WWTR1: variants seen among roughly 807,000 people sequenced by gnomAD.
WWTR1 encodes WW domain containing transcription regulator 1.
Under a neutral mutation model 40.1 loss-of-function variants are expected in WWTR1, and 13 were observed. The ratio of observed to expected loss-of-function variants is 0.32; its 90% confidence interval spans 0.21 to 0.52. The LOEUF (loss-of-function observed/expected upper bound fraction) is 0.52. Ranked by LOEUF, WWTR1 falls within the 20% of genes least tolerant of loss-of-function variation. WWTR1 has a pLI of 0.97. For synonymous variants in WWTR1, 230 were observed against 210.1 expected (o/e 1.09, Z -0.82); for missense variants, 436 against 523.1 (o/e 0.83, Z 1.63).
chr3:149,698,666 G>A (rs986415962), intron 1 of WWTR1, among the ~76,000 whole-genome samples: 1 of 152,198 alleles, frequency 6.6e-6, no homozygotes, highest in Non-Finnish European at 1.5e-5. Flanking sequence ...GGACACCCAG[G>A]CTTTTCCATA....
chr3:149,565,097 G>A (rs1380606215), intron 3 of WWTR1, among the ~76,000 whole-genome samples: 1 of 152,042 alleles, frequency 6.6e-6, no homozygotes, highest in Non-Finnish European at 1.5e-5. Context: ...TGAGCTGGGA[G>A]GATGGCTTGA....
chr3:149,594,950 CTTTTTTTTTTTTT>C (rs563658190), intron 2 of WWTR1, among the ~76,000 whole-genome samples: 5 of 61,772 alleles, frequency 8.1e-5, no homozygotes, highest in African/African-American at 1.7e-4. Flanking sequence ...CTCTTTTTTA[CTTTTTTTTTTTTT>C]TTTTTTTTTT....
chr3:149,627,174 ATTGT>A (rs2108099039), intron 2 of WWTR1, among the ~76,000 whole-genome samples: 1 of 152,308 alleles, frequency 6.6e-6, no homozygotes, highest in Non-Finnish European at 1.5e-5. Context: ...AAATTTACCT[ATTGT>A]TTATTTGAAA....
intron 2 of WWTR1, among the ~76,000 whole-genome samples, chr3:149,646,270 C>T (rs1044782658): frequency 4.6e-5 from 7 of 152,212 alleles, no homozygotes; most frequent in South Asian, 2.1e-4. Context: ...TGGTGAAGGA[C>T]CGGGGTTTTA....
Position 149,597,132 on chromosome 3 carries a change from C to T in WWTR1, c.432-24132G>A, listed in dbSNP as rs79142940. The stretch of plus-strand genomic sequence containing the variant: ...ATAAATGTTAGCTATTGTGATTTGG[C>T]TTCACAATAACTGTTAGGTAAACAG... On this transcript the variant is annotated intron_variant, in intron 2 of 6. Coordinates refer to ENST00000360632, the MANE Select transcript of WWTR1 (RefSeq NM_015472.6). Among the ~76,000 whole-genome samples, 131 of 152,244 alleles carry T rather than the reference C, an allele frequency of 8.6e-4. 2 individuals are homozygous for T. The East Asian group carries it at 0.023, about 27-fold the overall frequency.
intron 3 of WWTR1, among the ~76,000 whole-genome samples, chr3:149,570,523 G>A (rs1365643242): frequency 2.0e-5 from 3 of 151,816 alleles, no homozygotes; most frequent in Non-Finnish European, 4.4e-5. Context: ...AGCTGAGATC[G>A]TGCCACTGCA....
At chr3:149,617,139 A>T (rs999949096) in intron 2 of WWTR1, among the ~76,000 whole-genome samples, 1 of 152,224 alleles carries the variant, frequency 6.6e-6, no homozygotes, top group Non-Finnish European at 1.5e-5. Flanking sequence ...TTTGGAACAG[A>T]TAGCTGAGAA....
chr3:149,594,184 G>A (rs1309698343), intron 2 of WWTR1, among the ~76,000 whole-genome samples: 1 of 152,060 alleles, frequency 6.6e-6, no homozygotes, highest in East Asian at 1.9e-4. Context: ...AAAGACAAAG[G>A]GATGTAGTTT....
intron 2 of WWTR1, among the ~76,000 whole-genome samples, chr3:149,618,938 C>T (rs564525662): frequency 9.3e-4 from 141 of 152,230 alleles, no homozygotes; most frequent in Non-Finnish European, 1.6e-3. Flanking sequence ...AACCCATTGA[C>T]GTCTGTGAGA....
intron 4 of WWTR1, among the ~76,000 whole-genome samples, chr3:149,536,153 C>T (rs1021327346): frequency 6.6e-6 from 1 of 152,164 alleles, no homozygotes; most frequent in Non-Finnish European, 1.5e-5. Context: ...AGAATGGAAG[C>T]TCTGTGAGGG....
intron 2 of WWTR1, among the ~76,000 whole-genome samples, chr3:149,652,174 G>C (rs961610250): frequency 6.6e-6 from 1 of 151,672 alleles, no homozygotes; most frequent in Non-Finnish European, 1.5e-5. Flanking sequence ...AATCATATAC[G>C]AATAAGATGG....
chr3:149,571,214 C>CTTTTTTTTTTT (rs10535515), intron 3 of WWTR1, among the ~76,000 whole-genome samples: 3 of 101,256 alleles, frequency 3.0e-5, no homozygotes, highest in East Asian at 3.3e-4. Context: ...TTTTTCTTTT[C>CTTTTTTTTTTT]TTTTTTTTTT....
intron 5 of WWTR1, among the ~76,000 whole-genome samples, chr3:149,715,044 C>G (rs1209669924): frequency 6.6e-6 from 1 of 152,158 alleles, no homozygotes; most frequent in Non-Finnish European, 1.5e-5. Flanking sequence ...AGAAGCTGCC[C>G]ACTGCAGGTC....
At chr3:149,678,517 A>G (rs543062055) in intron 1 of WWTR1, among the ~76,000 whole-genome samples, 23 of 152,032 alleles carry the variant, frequency 1.5e-4, no homozygotes, top group African/African-American at 5.3e-4. Context: ...CTCACTACCT[A>G]CTCTGCAGGG....
chr3:149,656,901 C>T lies in WWTR1; in HGVS notation c.406G>A (p.Ala136Thr). ...LPPGWEMTFT[A>T]TGQRYFLNHI... ...TTGAGGAAGTACCTCTGGCCAGTGG[C>T]CGTGAAGGTCATCTCCCAGCCCGGG... The change falls in exon 2 of 7, where the codon GCC becomes ACC. Residue 136 changes from alanine (A) to threonine (T), a missense_variant. Transcript: ENST00000360632. 6.5e-7 allele frequency: 1 copy of T among 1,539,420 alleles called. No homozygotes were observed. The highest frequency in any genetic ancestry group is 1.8e-4 in the Middle Eastern group (1 of 5,684).
intron 1 of WWTR1, among the ~76,000 whole-genome samples, chr3:149,685,633 AC>A (rs1162578806): frequency 6.6e-6 from 1 of 152,092 alleles, no homozygotes; most frequent in Admixed American, 6.5e-5. Context: ...CTCCCCTTTT[AC>A]CACCAGTCAT....
chr3:149,522,988 T>A (rs1351873906), intron 6 of WWTR1, among the ~76,000 whole-genome samples: 1 of 150,536 alleles, frequency 6.6e-6, no homozygotes, highest in Non-Finnish European at 1.5e-5. Context: ...CTCGTTTGAA[T>A]CCAGGAGGTA....
rs191678697 is a variant in WWTR1, at chr3:149,564,000, C to T, written c.568+8864G>A. Among the ~76,000 whole-genome samples the T allele has an allele frequency of 8.5e-5, 13 of 152,252 alleles. No homozygotes were observed. In the East Asian group the frequency reaches 1.2e-3, roughly 14 times the overall value. ...AACTCCTGACCTCAGGTGATCTGCC[C>T]GCCTTGGCCTCCCAAAGCGCTGGGA... On this transcript the variant is annotated intron_variant, in intron 3 of 6. Coordinates refer to ENST00000360632, the MANE Select transcript of WWTR1 (RefSeq NM_015472.6).
intron 2 of WWTR1, among the ~76,000 whole-genome samples, chr3:149,640,010 A>AAAAGAAAGAAAGAAAGAAAG (rs1179547242): frequency 5.0e-5 from 7 of 140,344 alleles, no homozygotes; most frequent in African/African-American, 2.2e-4. Flanking sequence ...AAAAAAAAAA[A>AAAAGAAAGAAAGAAAGAAAG]AAAGAAAGAA....
Sources: allele counts gnomAD v4.1 joint callset (sites outside exome capture counted in the v4.1 genomes callset), GRCh38; gene constraint gnomAD v4.1.1; transcripts MANE v1.5; gene names NCBI Gene and HGNC (gene_info 2026-07-23, HGNC 2026-07-21).